Variants in ZFHX3 observed in about 807,000 individuals in gnomAD.
ZFHX3 encodes zinc finger homeobox protein 3.
Under a neutral mutation model 279.1 loss-of-function variants are expected in ZFHX3, and 42 were observed. That is an observed-to-expected ratio of 0.15 (90% CI 0.12 to 0.19). ZFHX3 has a LOEUF of 0.19. Ranked by LOEUF, ZFHX3 falls within the 10% of genes least tolerant of loss-of-function variation. ZFHX3 has a pLI of 1.00. For missense variants in ZFHX3, 4,981 were observed against 4,754.0 expected, an observed-to-expected ratio of 1.05 and a Z score of -1.40; for synonymous variants, 2,293 against 1,957.8, an observed-to-expected ratio of 1.17 and a Z score of -4.52.
intron 4 of ZFHX3, among the ~76,000 whole-genome samples, chr16:73,286,483 C>T (rs116980535): frequency 0.021 from 3,250 of 152,216 alleles, 39 homozygotes; most frequent in Non-Finnish European, 0.033. Flanking sequence ...GGTTGGTGTA[C>T]GGGAAGAGTG....
chr16:73,649,642 G>C (rs1224936654), intron 2 of ZFHX3, among the ~76,000 whole-genome samples: 1 of 152,130 alleles, frequency 6.6e-6, no homozygotes, highest in Admixed American at 6.5e-5. Context: ...CAGAGAGTTT[G>C]GGTCAGCAAA....
intron 4 of ZFHX3, among the ~76,000 whole-genome samples, chr16:72,833,463 A>T (rs1273810176): frequency 6.6e-6 from 1 of 152,118 alleles, no homozygotes; most frequent in African/African-American, 2.4e-5. Flanking sequence ...ACAAGTGAAG[A>T]CCTGATGGAC....
chr16:73,543,701 T>G (rs1252693276), intron 2 of ZFHX3, among the ~76,000 whole-genome samples: 1 of 152,130 alleles, frequency 6.6e-6, no homozygotes, highest in Non-Finnish European at 1.5e-5. Context: ...TTTTTTCCTC[T>G]GCCCAAGTCC....
In ZFHX3 at chr16:72,791,312, C is replaced by T. The variant is rs562268818; in HGVS notation, c.9427+1943G>A. Reference sequence around the variant, plus strand: ...TGTTCCTTCCCTCCCATTCCAGATCCGGTGTTTTTGAGAACTGTGTTACGG... The same window carrying T: ...TGTTCCTTCCCTCCCATTCCAGATCTGGTGTTTTTGAGAACTGTGTTACGG... On this transcript the variant is annotated intron_variant, in intron 9 of 9. Transcript: ENST00000268489. 1.8e-4 allele frequency: 27 copies of T among 152,308 alleles called. 1 individual carries two copies. The highest frequency in any genetic ancestry group is 5.8e-4 in the East Asian group (3 of 5,190). The allele number at this position is 152,308 out of a possible 1,614,324, so 9.4% of individuals were successfully genotyped here. A position where few individuals can be genotyped will look rare whatever the true frequency, so the allele number is the denominator to read the frequency against.
intron 2 of ZFHX3, among the ~76,000 whole-genome samples, chr16:73,499,088 T>A (rs1384888449): frequency 6.6e-6 from 1 of 152,168 alleles, no homozygotes; most frequent in Non-Finnish European, 1.5e-5. Flanking sequence ...TCATTTAGCA[T>A]CCCAGGTAGC....
chr16:73,346,495 A>T (rs1035772575), intron 3 of ZFHX3, among the ~76,000 whole-genome samples: 2 of 152,136 alleles, frequency 1.3e-5, no homozygotes, highest in African/African-American at 4.8e-5. Flanking sequence ...TTACTTATAC[A>T]AAGTTTTGCT....
chr16:73,330,951 T>C (rs2015790064), intron 3 of ZFHX3, among the ~76,000 whole-genome samples: 1 of 152,202 alleles, frequency 6.6e-6, no homozygotes, highest in Non-Finnish European at 1.5e-5. Context: ...GGTCATGGAC[T>C]AGCTTAGTGA....
In ZFHX3 at chr16:72,958,926, G is replaced by C. The variant is rs200153771; in HGVS notation, c.1220C>G (p.Thr407Ser). The C allele has an allele frequency of 1.9e-6, 3 of 1,600,120 alleles. No homozygotes were observed. Residue 407 changes from threonine to serine, a missense_variant, in exon 2 of 10, where the codon ACC (threonine) becomes AGC (serine). Coordinates refer to ENST00000268489, the MANE Select transcript of ZFHX3 (RefSeq NM_006885.4). The part of the protein sequence containing the change: ...PSTLLNLGGL[T>S]SSVLKTPITS... ...AATGGGGGTCTTCAGTACCGAGCTG[G>C]TGAGCCCGCCAAGGTTCAACAGGGT... is the stretch of plus-strand genomic sequence containing the variant.
At chr16:73,888,679 T>C (rs1162309527) in intron 1 of ZFHX3, among the ~76,000 whole-genome samples, 1 of 152,150 alleles carries the variant, frequency 6.6e-6, no homozygotes, top group Non-Finnish European at 1.5e-5. Context: ...CAGATGCCGA[T>C]TCTGAAAACG....
intron 1 of ZFHX3, among the ~76,000 whole-genome samples, chr16:73,725,940 T>C (rs1319185596): frequency 2.6e-5 from 4 of 152,134 alleles, no homozygotes; most frequent in Non-Finnish European, 4.4e-5. Context: ...ATTAAACCAT[T>C]TAATTTTTGT....
At chr16:73,302,750 G>A (rs1001001756) in intron 4 of ZFHX3, among the ~76,000 whole-genome samples, 6 of 152,184 alleles carry the variant, frequency 3.9e-5, no homozygotes, top group Admixed American at 1.3e-4. Context: ...GGTGGGTGAC[G>A]ATGACCATCT....
chr16:73,802,809 A>C (rs990546850), intron 1 of ZFHX3, among the ~76,000 whole-genome samples: 1 of 152,144 alleles, frequency 6.6e-6, no homozygotes, highest in African/African-American at 2.4e-5. Context: ...TCAACAAAGC[A>C]TTATGATTTC....
intron 5 of ZFHX3, among the ~76,000 whole-genome samples, chr16:73,216,568 T>C (rs2012216080): frequency 6.6e-6 from 1 of 152,158 alleles, no homozygotes; most frequent in East Asian, 1.9e-4. Context: ...TGAATTTACT[T>C]AGCAATGATT....
chr16:73,220,262 T>C (rs957537354), intron 5 of ZFHX3, among the ~76,000 whole-genome samples: 1 of 152,088 alleles, frequency 6.6e-6, no homozygotes, highest in African/African-American at 2.4e-5. Flanking sequence ...ACTACCTGGG[T>C]GATGGGATCC....
At chr16:73,240,054 T>C (rs2013074100) in intron 5 of ZFHX3, among the ~76,000 whole-genome samples, 1 of 151,880 alleles carries the variant, frequency 6.6e-6, no homozygotes, top group Non-Finnish European at 1.5e-5. Flanking sequence ...TGTGTGTGTA[T>C]ATCTATACAT....
At chr16:73,093,757 A>G in intron 7 of ZFHX3, 1 of 276,152 alleles carries the variant, frequency 3.6e-6, no homozygotes, top group South Asian at 3.7e-5. Flanking sequence ...AAAAATAGAA[A>G]GAAAAACGCA....
At chr16:73,058,557 G>A (rs1965621633) in exon 1 of ZFHX3, 3 of 205,950 alleles carry the variant, frequency 1.5e-5, no homozygotes, top group Non-Finnish European at 1.9e-5. Flanking sequence ...GGCGGCGGCT[G>A]CAGCGGCGCT....
At chr16:73,051,597 T>C (rs192898694), upstream of ZFHX3, among the ~76,000 whole-genome samples, 2 of 152,364 alleles carry the variant, frequency 1.3e-5, no homozygotes, top group East Asian at 3.9e-4. Context: ...CATTATCTAA[T>C]TTCCTTACCC....
At chr16:72,931,014 AT>A (rs1959767068) in intron 3 of ZFHX3, among the ~76,000 whole-genome samples, 1 of 152,158 alleles carries the variant, frequency 6.6e-6, no homozygotes, top group African/African-American at 2.4e-5. Context: ...TAACATGTTT[AT>A]TGCCACTGAT....
Sources: gnomAD v4.1 joint callset for allele counts (sites outside exome capture counted in the v4.1 genomes callset) on GRCh38, gnomAD v4.1.1 for gene constraint, MANE v1.5 for transcripts, NCBI Gene and HGNC (gene_info 2026-07-23, HGNC 2026-07-21) for gene names.